Variants in LRP2 observed in about 807,000 individuals in gnomAD.
LRP2 encodes LDL receptor related protein 2.
A neutral mutation model predicts 531.0 loss-of-function variants in LRP2; 172 were observed. The ratio of observed to expected loss-of-function variants is 0.32; its 90% CI spans 0.29 to 0.37. LRP2 has a LOEUF of 0.37. Ranked by LOEUF, LRP2 falls within the 10% of genes least tolerant of loss-of-function variation. LRP2 has a pLI of 1.00. For synonymous variants in LRP2, 1,992 were observed against 2,027.6 expected, an observed-to-expected ratio of 0.98 and a Z score of 0.47; for missense variants, 5,167 against 5,868.3, an observed-to-expected ratio of 0.88 and a Z score of 3.90.
intron 3 of LRP2, among the ~76,000 whole-genome samples, chr2:169,317,717 T>C (rs1684801679): frequency 6.6e-6 from 1 of 152,208 alleles, no homozygotes; most frequent in South Asian, 2.1e-4. Context: ...AATGGAATGA[T>C]ACATGTGATA....
intron 1 of LRP2, among the ~76,000 whole-genome samples, chr2:169,342,795 G>T (rs1432743986): frequency 1.3e-5 from 2 of 152,136 alleles, no homozygotes; most frequent in East Asian, 3.8e-4. Context: ...AAAAAAGCTT[G>T]CAATAAACGT....
chr2:169,264,934 G>A (rs1232044712), intron 16 of LRP2, among the ~76,000 whole-genome samples: 1 of 152,034 alleles, frequency 6.6e-6, no homozygotes, highest in African/African-American at 2.4e-5. Context: ...ACAGAACTGA[G>A]ATGGATGTGG....
intron 1 of LRP2, among the ~76,000 whole-genome samples, chr2:169,336,770 A>G (rs1446669112): frequency 6.6e-6 from 1 of 152,172 alleles, no homozygotes; most frequent in African/African-American, 2.4e-5. Flanking sequence ...ACTTGTCAGG[A>G]AACAAGCCCT....
intron 35 of LRP2, among the ~76,000 whole-genome samples, chr2:169,215,667 C>A (rs1433629604): frequency 6.7e-6 from 1 of 148,208 alleles, no homozygotes. Context: ...TATATAAATT[C>A]TATATTCTAT....
At chr2:169,324,218 C>T (rs945659062) in intron 1 of LRP2, among the ~76,000 whole-genome samples, 121 of 152,248 alleles carry the variant, frequency 7.9e-4, no homozygotes, top group African/African-American at 2.8e-3. Flanking sequence ...CAAGATCCAA[C>T]AGCAAATATG....
chr2:169,360,089 C>G (rs1237923278), intron 1 of LRP2, among the ~76,000 whole-genome samples: 7 of 143,788 alleles, frequency 4.9e-5, no homozygotes, highest in Admixed American at 1.4e-4. Context: ...TGCACCACTG[C>G]ACTCCAGCCT....
At chr2:169,217,274 C>T (rs573911071) in intron 34 of LRP2, among the ~76,000 whole-genome samples, 15 of 152,194 alleles carry the variant, frequency 9.9e-5, no homozygotes, top group African/African-American at 3.1e-4. Context: ...TTTAAATAGT[C>T]TTTATTCACC....
At chr2:169,190,949 T>A (rs537721895) in intron 48 of LRP2, among the ~76,000 whole-genome samples, 1 of 152,336 alleles carries the variant, frequency 6.6e-6, no homozygotes, top group East Asian at 1.9e-4. Flanking sequence ...AGAATGTATA[T>A]AAACTGTTTG....
rs759405631 is a variant in LRP2 at position 169,226,539 on chromosome 2, G to T, written c.5277C>A (p.Ile1759=). 1 of 1,613,022 alleles carries T rather than the reference G, an allele frequency of 6.2e-7. No individual in the cohort carries two copies. Among genetic ancestry groups the T allele is most frequent in the East Asian group, 2.2e-5 (1 of 44,860 alleles). Residue 1759 remains isoleucine (I), a synonymous_variant, in exon 32 of 79, where the codon ATC becomes ATA. Transcript: ENST00000649046. ...ITVRQHIIFG[I]SLNPEVKSND... The stretch of plus-strand genomic sequence containing the variant: ...TGCTCTTCACCTCAGGATTAAGGGA[G>T]ATTCCAAAAATTATATGTTGCCTTA...
chr2:169,293,650 A>G (rs909429488), intron 6 of LRP2, among the ~76,000 whole-genome samples: 21 of 150,682 alleles, frequency 1.4e-4, no homozygotes, highest in African/African-American at 5.1e-4. Flanking sequence ...ACTCCAGCCC[A>G]GGCAACAAAG....
rs138614485 is a variant in LRP2 at position 169,137,511 on chromosome 2, A to AAG, written c.13519-20_13519-19dup. ...TCTTCACTCTGATGGCAGAGACAGA[A>AAG]AGAGAGAGAGAGAGAGAGAGAGAAA... On this transcript the variant is annotated intron_variant, in intron 75 of 78. Transcript: ENST00000649046. 0.018 allele frequency: 22,333 copies of AAG among 1,274,102 alleles called. 499 individuals carry two copies. The highest frequency in any genetic ancestry group is 0.14 in the African/African-American group (9,494 of 66,034). The allele number at this position is 1,274,102 out of a possible 1,614,324, so 78.9% of individuals were successfully genotyped here. A position where few individuals can be genotyped will look rare whatever the true frequency, so the allele number is the denominator to read the frequency against.
At chr2:169,220,713 T>G in intron 33 of LRP2, 150 bp from the exon 34 acceptor site, 1 of 661,932 alleles carries the variant, frequency 1.5e-6, no homozygotes, top group Admixed American at 2.2e-5. Flanking sequence ...TAATCTATAT[T>G]GCACTTCAGG....
At chr2:169,329,805 A>G (rs1304040203) in intron 1 of LRP2, among the ~76,000 whole-genome samples, 1 of 152,156 alleles carries the variant, frequency 6.6e-6, no homozygotes, top group Non-Finnish European at 1.5e-5. Flanking sequence ...CAAACTACGA[A>G]CAGGTTCCAT....
chr2:169,361,336 C>CTG (rs1686145797), intron 1 of LRP2, among the ~76,000 whole-genome samples: 1 of 64,948 alleles, frequency 1.5e-5, no homozygotes, highest in African/African-American at 5.8e-5. Flanking sequence ...CTCTGTCTCT[C>CTG]TCTGTCTCTC....
intron 1 of LRP2, among the ~76,000 whole-genome samples, chr2:169,338,384 GAA>G (rs1184023990): frequency 8.4e-6 from 1 of 119,058 alleles, no homozygotes; most frequent in Non-Finnish European, 1.7e-5. Flanking sequence ...AAGAAAGAAA[GAA>G]AGAAAGAAAG....
chr2:169,197,039 G>A lies in LRP2; in HGVS notation c.8579-9C>T. The A allele has an allele frequency of 6.2e-7, 1 of 1,613,284 alleles. No homozygotes were observed. The highest frequency in any genetic ancestry group is 8.5e-7 in the Non-Finnish European group (1 of 1,179,874). Reference sequence around the variant, plus strand: ...GCTGCACGTGTGAGTGGCTGCAGGAGGGAAAGAAGATAAAACCCATGAGCA... The same window carrying A: ...GCTGCACGTGTGAGTGGCTGCAGGAAGGAAAGAAGATAAAACCCATGAGCA... On this transcript the variant is annotated splice_polypyrimidine_tract_variant and intron_variant, in intron 45 of 78. Coordinates refer to ENST00000649046, the MANE Select transcript of LRP2 (RefSeq NM_004525.3).
At chr2:169,275,261 A>G (rs778714392) in intron 13 of LRP2, 23 bp from the exon 14 acceptor site, 1 of 1,576,320 alleles carries the variant, frequency 6.3e-7, no homozygotes, top group Non-Finnish European at 8.7e-7. Flanking sequence ...ACACATATAT[A>G]TCATACAATT....
Position 169,176,434 on chromosome 2 carries a change from C to G in LRP2, c.10548G>C (p.Gln3516His), listed in dbSNP as rs770094096. The G allele has an allele frequency of 1.7e-5, 28 of 1,614,062 alleles. No individual in the cohort carries two copies. The highest frequency in any genetic ancestry group is 2.3e-5 in the Non-Finnish European group (27 of 1,180,034). The change falls in exon 54 of 79, where the codon CAG becomes CAC. Residue 3516 changes from glutamine to histidine, a missense_variant. Physicochemically the swap from Gln to His is conservative, Grantham distance 24. Coordinates refer to ENST00000649046, the MANE Select transcript of LRP2 (RefSeq NM_004525.3). ...TYCMPMCSST[Q>H]FLCANNEKCI... Reference sequence around the variant, plus strand: ...ACTTTTCATTGTTAGCGCACAGGAACTGGGTGCTGGAGCACATGGGCATGC... The same window carrying G: ...ACTTTTCATTGTTAGCGCACAGGAAGTGGGTGCTGGAGCACATGGGCATGC...
intron 76 of LRP2, among the ~76,000 whole-genome samples, chr2:169,135,265 C>T (rs527349188): frequency 1.8e-4 from 28 of 152,264 alleles, no homozygotes; most frequent in African/African-American, 6.0e-4. Flanking sequence ...CCCTCCCTTC[C>T]CTACACCTCA....
Sources: allele counts gnomAD v4.1 joint callset (sites outside exome capture counted in the v4.1 genomes callset), GRCh38; gene constraint gnomAD v4.1.1; transcripts MANE v1.5; gene names NCBI Gene and HGNC (gene_info 2026-07-23, HGNC 2026-07-21).